Variants in DAAM2 observed in about 807,000 individuals in gnomAD.
DAAM2 encodes disheveled-associated activator of morphogenesis 2.
A neutral mutation model predicts 120.7 loss-of-function variants in DAAM2; 39 were observed. The observed-to-expected ratio is 0.32, with a 90% CI of 0.25 to 0.42. The LOEUF is 0.42. Ranked by LOEUF, DAAM2 falls within the 10% of genes least tolerant of loss-of-function variation. The pLI, the probability that DAAM2 is intolerant of heterozygous loss-of-function variation, is 1.00. For synonymous variants in DAAM2, 488 were observed against 524.9 expected (o/e 0.93, Z 0.96); for missense variants, 1,283 against 1,401.7 (o/e 0.92, Z 1.35).
chr6:39,885,512 G>A (rs1765336868), intron 15 of DAAM2: 1 of 152,276 alleles, frequency 6.6e-6, no homozygotes, highest in South Asian at 2.1e-4. Context: ...GCCCTGAGGT[G>A]AGGCTGGGAT....
In DAAM2 at chr6:39,865,092, T is replaced by G. The variant is rs754969218; in HGVS notation, c.428+18T>G. ...CCTATGAGGTAATTCAGTTTCCCCC[T>G]CTTGCTTCCTGCTGAGTCCCTTCAC... On this transcript the variant is annotated intron_variant, in intron 5 of 24. Coordinates refer to ENST00000274867, the MANE Select transcript of DAAM2 (RefSeq NM_001201427.2). 1.4e-6 allele frequency: 2 copies of G among 1,409,276 alleles called. No individual in the cohort carries two copies. The highest frequency in any genetic ancestry group is 3.7e-5 in the Admixed American group (2 of 53,432). 87.3% of individuals were successfully genotyped at this position (1,409,276 alleles called of 1,614,324 possible).
chr6:39,856,088 G>A (rs1454794051), intron 1 of DAAM2, 159 bp from the exon 2 acceptor site: 2 of 983,830 alleles, frequency 2.0e-6, no homozygotes, highest in East Asian at 1.1e-4. Context: ...ACAGAGGGAT[G>A]CTGTGGGAGG....
rs745422609 is a variant in DAAM2 at position 39,873,252 on chromosome 6, C to T, written c.1059C>T (p.Thr353=). 20 of 1,612,362 alleles carry T rather than the reference C, an allele frequency of 1.2e-5. No homozygotes were observed. The highest frequency in any genetic ancestry group is 1.7e-5 in the Admixed American group (1 of 59,912). The change falls in exon 10 of 25, where the codon ACC becomes ACT. Residue 353 remains threonine, a synonymous_variant. Coordinates refer to ENST00000274867, the MANE Select transcript of DAAM2 (RefSeq NM_001201427.2). The part of the protein sequence containing the change: ...ARRFDMVHID[T]KSASQMFELI... ...TTCTCTCCCAGGTCCACATCGACAC[C>T]AAGAGTGCTTCCCAGATGTTTGAGT... is the stretch of plus-strand genomic sequence containing the variant.
chr6:39,864,609 T>G, intron 4 of DAAM2, 102 bp downstream of exon 4: 1 of 891,760 alleles, frequency 1.1e-6, no homozygotes, highest in Non-Finnish European at 1.7e-6. Context: ...TGCCTTTTAC[T>G]GCTCCTCAGC....
At chr6:39,879,094 T>C (rs907559837) in intron 13 of DAAM2, 84 bp from the exon 14 acceptor site, 12 of 889,150 alleles carry the variant, frequency 1.3e-5, no homozygotes, top group Non-Finnish European at 2.0e-5. Flanking sequence ...AGAAAGAAAC[T>C]AGAAGGAGAG....
In DAAM2 at chr6:39,888,762, A is replaced by C. The variant is rs1382698733; in HGVS notation, c.2144A>C (p.Gln715Pro). Residue 715 changes from glutamine to proline, a missense_variant and splice_region_variant, in exon 17 of 25, where the codon CAG becomes CCG. This residue lies in a region of DAAM2 where 748 missense variants were observed against 768.6 expected (regional missense o/e 0.97). Transcript: ENST00000274867. ...GACCTTGCTAAGGACATGCTGGAGCAGGTGAGGACCCTCGTGGGAAGGAAG... is the reference window on the plus strand; with the variant it reads ...GACCTTGCTAAGGACATGCTGGAGCCGGTGAGGACCCTCGTGGGAAGGAAG... The part of the protein sequence containing the change: ...QEDLAKDMLE[Q>P]LLKFIPEKSD... The C allele has an allele frequency of 6.2e-7, 1 of 1,611,414 alleles. No homozygotes were observed.
chr6:39,889,033 G>GT (rs2149352441), intron 17 of DAAM2: 1 of 253,268 alleles, frequency 3.9e-6, no homozygotes. Flanking sequence ...TTCCCTCTCA[G>GT]TTTTTTGGAT....
In DAAM2 at chr6:39,903,760, A is replaced by G; in HGVS notation, c.*1723A>G. 5.9e-6 allele frequency: 1 copy of G among 168,702 alleles called. No homozygotes were observed. The highest frequency in any genetic ancestry group is 1.3e-5 in the Non-Finnish European group (1 of 77,584). The allele number at this position is 168,702 out of a possible 1,614,324, so 10.5% of individuals were successfully genotyped here. ...ACCGTAGTAGCTGCGGGGGGGAAGA[A>G]ACACAGGGTCGGTGAGCCCAGCATG... On this transcript the variant is annotated 3_prime_UTR_variant, in exon 25 of 25. Coordinates refer to ENST00000274867, the MANE Select transcript of DAAM2 (RefSeq NM_001201427.2).
Position 39,875,384 on chromosome 6 carries a change from A to G in DAAM2, c.1217A>G (p.Gln406Arg), listed in dbSNP as rs764479389. 1 of 1,613,990 alleles carries G rather than the reference A, an allele frequency of 6.2e-7. No homozygotes were observed. The highest frequency in any genetic ancestry group is 1.7e-5 in the Admixed American group (1 of 60,028). The change falls in exon 11 of 25, where the codon CAG becomes CGG. Residue 406 changes from glutamine to arginine, a missense_variant. Transcript: ENST00000274867. ...QQWQLLDRIL[Q>R]QIVLQDERGV... is the part of the protein sequence containing the mutation. ...TGGCAGCTCCTGGACCGCATCCTCC[A>G]GCAGATTGTCCTCCAGGATGAGCGG...
chr6:39,820,731 T>C (rs1282776827), intron 1 of DAAM2: 1 of 152,222 alleles, frequency 6.6e-6, no homozygotes, highest in Non-Finnish European at 1.5e-5. Context: ...TTTTTTCACA[T>C]ATTACCTGTA....
At chr6:39,870,190 T>C (rs1764599751) in intron 7 of DAAM2, 150 bp from the exon 8 acceptor site, 1 of 617,458 alleles carries the variant, frequency 1.6e-6, no homozygotes, top group Middle Eastern at 2.9e-4. Context: ...CCATTCTTTC[T>C]TGGAACTCTG....
intron 19 of DAAM2, among the ~76,000 whole-genome samples, chr6:39,893,699 C>A (rs1765889715): frequency 6.6e-6 from 1 of 152,086 alleles, no homozygotes; most frequent in South Asian, 2.1e-4. Flanking sequence ...TTGTATAGAC[C>A]AGACATAAGT....
chr6:39,806,534 C>A (rs1762013523), intron 1 of DAAM2, among the ~76,000 whole-genome samples: 1 of 152,134 alleles, frequency 6.6e-6, no homozygotes, highest in Non-Finnish European at 1.5e-5. Context: ...GCTGGAATTT[C>A]TGCTTCATGT....
Position 39,904,661 on chromosome 6 carries a change from T to A in DAAM2, c.*2624T>A, listed in dbSNP as rs774582439. On this transcript the variant is annotated 3_prime_UTR_variant, in exon 25 of 25. Coordinates refer to ENST00000274867, the MANE Select transcript of DAAM2 (RefSeq NM_001201427.2). Reference sequence around the variant, plus strand: ...CTGTTCCAGCCTCTCCCTACTCCCATCCCATTTCCACCAACTGGGGAACTG... The same window carrying A: ...CTGTTCCAGCCTCTCCCTACTCCCAACCCATTTCCACCAACTGGGGAACTG... The A allele has an allele frequency of 1.1e-4, 51 of 453,890 alleles. 1 individual carries two copies. The highest frequency in any genetic ancestry group is 7.9e-4 in the South Asian group (51 of 64,482). The allele number at this position is 453,890 out of a possible 1,614,324, so 28.1% of individuals were successfully genotyped here.
At chr6:39,873,193 C>A in intron 9 of DAAM2, 45 bp from the exon 10 acceptor site, 1 of 1,290,110 alleles carries the variant, frequency 7.8e-7, no homozygotes. Context: ...CTGCTGACTT[C>A]CTCTGCTGCC....
chr6:39,895,980 A>T (rs1464818998), intron 19 of DAAM2, among the ~76,000 whole-genome samples: 1 of 152,222 alleles, frequency 6.6e-6, no homozygotes, highest in African/African-American at 2.4e-5. Flanking sequence ...AAAGCATGCC[A>T]TTATTTTATA....
chr6:39,898,841 T>C (rs1031211789), intron 21 of DAAM2, 36 bp from the exon 22 acceptor site: 6 of 1,577,198 alleles, frequency 3.8e-6, no homozygotes, highest in Non-Finnish European at 5.2e-6. Flanking sequence ...CGGGAGTTGA[T>C]GGTCCTCATT....
chr6:39,884,212 C>A (rs1156281398), intron 15 of DAAM2, 143 bp downstream of exon 15: 6 of 608,222 alleles, frequency 9.9e-6, no homozygotes, highest in Admixed American at 2.8e-5. Context: ...TTCCTTCTTT[C>A]CTTCCTTCCT....
chr6:39,894,422 A>G (rs542343619), intron 19 of DAAM2, among the ~76,000 whole-genome samples: 2 of 152,204 alleles, frequency 1.3e-5, no homozygotes, highest in Non-Finnish European at 2.9e-5. Flanking sequence ...TACACAAATC[A>G]TAAGAGTCCT....
Sources: allele counts gnomAD v4.1 joint callset (sites outside exome capture counted in the v4.1 genomes callset), GRCh38; gene constraint gnomAD v4.1.1; regional missense constraint gnomAD v4.1.1; transcripts MANE v1.5; gene names NCBI Gene and HGNC (gene_info 2026-07-23, HGNC 2026-07-21).